Variants in ROR1 observed in about 807,000 individuals in gnomAD.
ROR1 encodes inactive tyrosine-protein kinase transmembrane receptor ROR1.
Under a neutral mutation model 78.8 loss-of-function variants are expected in ROR1, and 19 were observed. That is an observed-to-expected ratio of 0.24 (90% CI 0.17 to 0.35). The LOEUF (loss-of-function observed/expected upper bound fraction) is 0.35, where lower values mean the gene tolerates loss of function less well. Ranked by LOEUF, ROR1 falls within the 10% of genes least tolerant of loss-of-function variation. The pLI is 1.00. For synonymous variants in ROR1, 386 were observed against 433.6 expected, an observed-to-expected ratio of 0.89 and a Z score of 1.36; for missense variants, 917 against 1,177.8, an observed-to-expected ratio of 0.78 and a Z score of 3.24.
Position 63,859,606 on chromosome 1 carries a change from A to G in ROR1, c.91+85098A>G, listed in dbSNP as rs565620757. ...TGGGTAAAGCTTGGAGCTTGTGTAT[A>G]AGTAGCGGGGTCAGTCGCCTGCCAG... On this transcript the variant is annotated intron_variant, in intron 1 of 8. Transcript: ENST00000371079. Among the ~76,000 whole-genome samples the G allele has an allele frequency of 3.3e-5, 5 of 152,258 alleles. No homozygotes were observed. In the East Asian group the frequency reaches 9.7e-4, roughly 29 times the overall value.
intron 2 of ROR1, among the ~76,000 whole-genome samples, chr1:64,029,567 G>A (rs1646642917): frequency 6.6e-6 from 1 of 152,176 alleles, no homozygotes; most frequent in Non-Finnish European, 1.5e-5. Flanking sequence ...GGTCCAGCAG[G>A]AATCAGTTTC....
At chr1:63,855,900 G>A (rs147774405) in intron 1 of ROR1, among the ~76,000 whole-genome samples, 1,825 of 151,292 alleles carry the variant, frequency 0.012, 42 homozygotes, top group African/African-American at 0.043. Flanking sequence ...CTCGTGACCC[G>A]CCCACCTCGG....
At chr1:63,897,620 G>A (rs575031373) in intron 1 of ROR1, among the ~76,000 whole-genome samples, 1 of 152,136 alleles carries the variant, frequency 6.6e-6, no homozygotes, top group African/African-American at 2.4e-5. Context: ...AACACCTACT[G>A]TGGAGCTAGG....
At chr1:63,801,689 C>G (rs937885641) in intron 1 of ROR1, among the ~76,000 whole-genome samples, 1 of 152,088 alleles carries the variant, frequency 6.6e-6, no homozygotes, top group Non-Finnish European at 1.5e-5. Flanking sequence ...GATTAAGTAG[C>G]CTTTTTATCC....
At chr1:63,981,181 C>T (rs1409115041) in intron 1 of ROR1, among the ~76,000 whole-genome samples, 1 of 152,098 alleles carries the variant, frequency 6.6e-6, no homozygotes. Context: ...GGTTGGCATC[C>T]GTGATCTCAT....
At chr1:64,103,608 A>G (rs554541535) in intron 4 of ROR1, among the ~76,000 whole-genome samples, 50 of 152,274 alleles carry the variant, frequency 3.3e-4, no homozygotes, top group African/African-American at 1.2e-3. Context: ...AACTTAGTAT[A>G]TTAACTGAAT....
chr1:63,811,040 A>G (rs570113915), intron 1 of ROR1, among the ~76,000 whole-genome samples: 6 of 152,322 alleles, frequency 3.9e-5, no homozygotes, highest in African/African-American at 1.4e-4. Flanking sequence ...ACCCTAAGAG[A>G]GACAGGAAGT....
chr1:63,854,615 T>C (rs1002449624), intron 1 of ROR1, among the ~76,000 whole-genome samples: 2 of 152,220 alleles, frequency 1.3e-5, no homozygotes, highest in East Asian at 3.8e-4. Context: ...GCAATAGCCA[T>C]TTCTCTCTTT....
intron 4 of ROR1, among the ~76,000 whole-genome samples, chr1:64,130,649 TCTC>T (rs1366435235): frequency 1.3e-5 from 2 of 152,112 alleles, no homozygotes; most frequent in East Asian, 1.9e-4. Flanking sequence ...AGGCTTGAAG[TCTC>T]CTCCAGAAGA....
chr1:64,172,197 G>T (rs4306167), intron 8 of ROR1, among the ~76,000 whole-genome samples: 37,683 of 152,100 alleles, frequency 0.25, 5,070 homozygotes, highest in Non-Finnish European at 0.31. Flanking sequence ...ACCAGTATCA[G>T]CCTGGTCTCT....
At chr1:63,934,474 A>C (rs1055379361) in intron 1 of ROR1, among the ~76,000 whole-genome samples, 2 of 152,160 alleles carry the variant, frequency 1.3e-5, no homozygotes, top group African/African-American at 4.8e-5. Context: ...TAAGCATATA[A>C]CAAATATTAG....
intron 1 of ROR1, among the ~76,000 whole-genome samples, chr1:63,982,622 A>G (rs1646218857): frequency 6.6e-6 from 1 of 152,182 alleles, no homozygotes; most frequent in Admixed American, 6.5e-5. Flanking sequence ...AGTTAAATTG[A>G]AGAGACCGCA....
At chr1:63,997,451 T>C (rs1646346281) in intron 1 of ROR1, among the ~76,000 whole-genome samples, 1 of 152,202 alleles carries the variant, frequency 6.6e-6, no homozygotes. Context: ...TGGTTAATAT[T>C]CATTGAGCTG....
intron 1 of ROR1, among the ~76,000 whole-genome samples, chr1:63,797,869 T>TA (rs916155016): frequency 2.0e-5 from 3 of 152,096 alleles, no homozygotes; most frequent in Non-Finnish European, 4.4e-5. Flanking sequence ...TTTTTTTTTT[T>TA]TTTCCATGTT....
At position 64,134,279 on chromosome 1, in the gene ROR1, T is replaced by G. The variant is rs527258692; in HGVS notation, c.483-3090T>G. Among the ~76,000 whole-genome samples, 4 of 152,304 alleles carry G rather than the reference T, an allele frequency of 2.6e-5. No individual in the cohort carries two copies. In the South Asian group the frequency reaches 6.2e-4, roughly 24 times the overall value. ...TGTAAGTATATAAAACTTAGCAGTATCTGATACAGAATCAAGACTCGTTAT... is the reference window on the plus strand; with the variant it reads ...TGTAAGTATATAAAACTTAGCAGTAGCTGATACAGAATCAAGACTCGTTAT... On this transcript the variant is annotated intron_variant, in intron 4 of 8. Coordinates refer to ENST00000371079, the MANE Select transcript of ROR1 (RefSeq NM_005012.4).
At chr1:64,099,196 C>T (rs928723305) in intron 4 of ROR1, among the ~76,000 whole-genome samples, 1 of 152,124 alleles carries the variant, frequency 6.6e-6, no homozygotes, top group Non-Finnish European at 1.5e-5. Context: ...AACAACTCCC[C>T]GAGGCAGGCA....
intron 4 of ROR1, among the ~76,000 whole-genome samples, chr1:64,081,767 T>TGAAAAAAAAA (rs1647103652): frequency 1.8e-5 from 1 of 54,936 alleles, no homozygotes; most frequent in African/African-American, 2.6e-4. Flanking sequence ...CGAGACACTG[T>TGAAAAAAAAA]CAAAAAAAAA....
chr1:63,865,637 C>T (rs1645210689), intron 1 of ROR1, among the ~76,000 whole-genome samples: 1 of 152,106 alleles, frequency 6.6e-6, no homozygotes, highest in African/African-American at 2.4e-5. Context: ...TTATATGTTT[C>T]ACTCTGGCGT....
intron 1 of ROR1, among the ~76,000 whole-genome samples, chr1:63,830,686 C>T (rs1644982017): frequency 6.6e-6 from 1 of 152,080 alleles, no homozygotes; most frequent in African/African-American, 2.4e-5. Flanking sequence ...TACTCCTGGC[C>T]CCTTTCAAAG....
Sources: gnomAD v4.1 joint callset for allele counts (sites outside exome capture counted in the v4.1 genomes callset) on GRCh38, gnomAD v4.1.1 for gene constraint, MANE v1.5 for transcripts, NCBI Gene and HGNC (gene_info 2026-07-23, HGNC 2026-07-21) for gene names.